Variants in DAB1 observed in about 807,000 individuals in gnomAD.
The protein encoded by DAB1 is DAB adaptor protein 1.
Under a neutral mutation model 64.6 loss-of-function variants are expected in DAB1, and 15 were observed. The ratio of observed to expected loss-of-function variants is 0.23; its 90% CI spans 0.16 to 0.36. The LOEUF (loss-of-function observed/expected upper bound fraction) is 0.36. Among genes scored for constraint, DAB1 ranks in the 10% least tolerant of loss-of-function variants. DAB1 has a pLI of 1.00. For missense variants in DAB1, 596 were observed against 706.7 expected, an observed-to-expected ratio of 0.84 and a Z score of 1.78; for synonymous variants, 235 against 251.9, an observed-to-expected ratio of 0.93 and a Z score of 0.64.
intron 4 of DAB1, among the ~76,000 whole-genome samples, chr1:58,168,547 G>A (rs1009807460): frequency 6.6e-6 from 1 of 152,010 alleles, no homozygotes; most frequent in Non-Finnish European, 1.5e-5. Context: ...ATAAACTCCA[G>A]GACTCTATTC....
chr1:58,490,316 T>G lies in DAB1; in HGVS notation n.257+15744A>C, dbSNP rs572583100. Among the ~76,000 whole-genome samples the G allele has an allele frequency of 5.3e-5, 8 of 152,342 alleles. No individual in the cohort carries two copies. The South Asian group carries it at 1.7e-3, about 32-fold the overall frequency. ...GAATGCACAAGCCTCAGTAGCCGAT[T>G]CGATCAACTGGAAGAAAAGGTATCA... On this transcript the variant is annotated intron_variant and non_coding_transcript_variant, in intron 3 of 20. Coordinates refer to the DAB1 transcript ENST00000485760.
chr1:57,095,443 G>GAT (rs1419849521), intron 4 of DAB1, among the ~76,000 whole-genome samples: 1 of 152,160 alleles, frequency 6.6e-6, no homozygotes, highest in East Asian at 1.9e-4. Context: ...ACTTTGCATA[G>GAT]ATATCACCAA....
chr1:58,305,822 G>A (rs1235469957), intron 4 of DAB1, among the ~76,000 whole-genome samples: 7 of 152,172 alleles, frequency 4.6e-5, no homozygotes, highest in Admixed American at 4.6e-4. Context: ...TGCAAAGAAT[G>A]CCTTGAACAG....
intron 6 of DAB1, among the ~76,000 whole-genome samples, chr1:57,781,108 CTCTCTCTCTCTCTCTCTCTATATATA>C (rs1650052913): frequency 1.7e-5 from 1 of 60,342 alleles, no homozygotes; most frequent in Non-Finnish European, 3.3e-5. Flanking sequence ...CTCTCTCTCT[CTCTCTCTCTCTCTCTCTCTATATATA>C]TATATATATA....
intron 1 of DAB1, among the ~76,000 whole-genome samples, chr1:57,399,199 T>C (rs752489658): frequency 6.4e-4 from 98 of 152,218 alleles, no homozygotes; most frequent in Non-Finnish European, 1.2e-3. Flanking sequence ...TGGTTTTTAG[T>C]GTGAGGGTCT....
At chr1:58,343,985 T>G (rs1369043039) in intron 3 of DAB1, among the ~76,000 whole-genome samples, 1 of 152,182 alleles carries the variant, frequency 6.6e-6, no homozygotes, top group African/African-American at 2.4e-5. Flanking sequence ...ACCTGACATA[T>G]AGTGGGCACT....
intron 7 of DAB1, among the ~76,000 whole-genome samples, chr1:57,612,754 T>G (rs944718942): frequency 6.6e-6 from 1 of 152,180 alleles, no homozygotes; most frequent in African/African-American, 2.4e-5. Context: ...TTTGTAGTAT[T>G]TTGCTATAGT....
chr1:57,744,844 T>A (rs756293971), intron 6 of DAB1, among the ~76,000 whole-genome samples: 25 of 152,144 alleles, frequency 1.6e-4, no homozygotes, highest in Non-Finnish European at 3.2e-4. Flanking sequence ...AAAAGCTAAA[T>A]GGGAGGCAGG....
intron 7 of DAB1, among the ~76,000 whole-genome samples, chr1:57,530,606 G>GA (rs1644651595): frequency 6.6e-6 from 1 of 152,144 alleles, no homozygotes. Flanking sequence ...ACTAGAGGGA[G>GA]ACAAAAATAT....
At chr1:58,007,091 C>T (rs41450047) in intron 5 of DAB1, among the ~76,000 whole-genome samples, 4,677 of 152,256 alleles carry the variant, frequency 0.031, 99 homozygotes, top group Middle Eastern at 0.092. Flanking sequence ...GTGATTTAAG[C>T]TCTCTGCTGC....
intron 5 of DAB1, among the ~76,000 whole-genome samples, chr1:58,075,324 C>T (rs934558765): frequency 3.9e-5 from 6 of 152,134 alleles, no homozygotes; most frequent in Non-Finnish European, 7.3e-5. Flanking sequence ...TTCTCCTCCC[C>T]GTGAAAGATA....
intron 1 of DAB1, among the ~76,000 whole-genome samples, chr1:57,360,027 C>G (rs1277649357): frequency 1.3e-5 from 2 of 151,976 alleles, no homozygotes; most frequent in African/African-American, 2.4e-5. Flanking sequence ...ATCCACTATA[C>G]AGCAAGGTGA....
intron 6 of DAB1, among the ~76,000 whole-genome samples, chr1:57,741,607 A>C (rs1186090872): frequency 6.6e-6 from 1 of 152,240 alleles, no homozygotes; most frequent in Non-Finnish European, 1.5e-5. Context: ...TTCTCAGAGA[A>C]GTAGGTGAAG....
chr1:58,535,698 T>A (rs1646506053), intron 1 of DAB1, among the ~76,000 whole-genome samples: 3 of 151,578 alleles, frequency 2.0e-5, no homozygotes, highest in Admixed American at 6.6e-5. Context: ...GCACATAACA[T>A]GTGTATGTGC....
At chr1:58,167,648 C>T (rs534052571) in intron 4 of DAB1, among the ~76,000 whole-genome samples, 1 of 152,340 alleles carries the variant, frequency 6.6e-6, no homozygotes, top group East Asian at 1.9e-4. Flanking sequence ...GCTGCTCACT[C>T]TTTGGGTCCG....
chr1:58,538,252 A>G (rs954071101), intron 1 of DAB1, among the ~76,000 whole-genome samples: 1 of 152,200 alleles, frequency 6.6e-6, no homozygotes, highest in African/African-American at 2.4e-5. Context: ...ATTATAAAGG[A>G]TCACCAAGGA....
intron 7 of DAB1, among the ~76,000 whole-genome samples, chr1:57,517,992 G>A (rs1003868250): frequency 5.3e-5 from 8 of 152,124 alleles, no homozygotes; most frequent in South Asian, 2.1e-4. Context: ...CCAGTGACAC[G>A]TTGCTCATTA....
intron 5 of DAB1, among the ~76,000 whole-genome samples, chr1:57,938,774 C>T (rs1645062822): frequency 6.6e-6 from 1 of 152,080 alleles, no homozygotes; most frequent in African/African-American, 2.4e-5. Flanking sequence ...CCCCAGGCCC[C>T]CTGGAGGTAC....
At chr1:58,517,378 T>C (rs1408116323) in intron 2 of DAB1, among the ~76,000 whole-genome samples, 1 of 152,244 alleles carries the variant, frequency 6.6e-6, no homozygotes, top group Non-Finnish European at 1.5e-5. Flanking sequence ...AATAAGCCAT[T>C]GTTTCTCTTG....
Sources: allele counts gnomAD v4.1 joint callset (sites outside exome capture counted in the v4.1 genomes callset), GRCh38; gene constraint gnomAD v4.1.1; transcripts MANE v1.5; gene names NCBI Gene and HGNC (gene_info 2026-07-23, HGNC 2026-07-21).